The following CARNMT1 variants were observed in gnomAD, a reference collection of about 807,000 sequenced individuals.
The protein encoded by CARNMT1 is carnosine N-methyltransferase 1.
Under a neutral mutation model 49.6 loss-of-function variants are expected in CARNMT1, and 28 were observed. The observed-to-expected ratio is 0.56, with a 90% CI of 0.42 to 0.77. The LOEUF (loss-of-function observed/expected upper bound fraction) is 0.77, where lower values mean the gene tolerates loss of function less well. Among genes scored for constraint, CARNMT1 ranks in the 30% least tolerant of loss-of-function variants. CARNMT1 has a pLI of 0.00. For missense variants in CARNMT1, 421 were observed against 512.6 expected (o/e 0.82, Z 1.73); for synonymous variants, 178 against 175.0 (o/e 1.02, Z -0.13).
At chr9:74,985,768 C>G (rs1832817137) in intron 6 of CARNMT1, among the ~76,000 whole-genome samples, 1 of 152,122 alleles carries the variant, frequency 6.6e-6, no homozygotes, top group Non-Finnish European at 1.5e-5. Context: ...TTAGTAGAGA[C>G]AGCGTTTCAC....
intron 2 of CARNMT1, 161 bp downstream of exon 2, chr9:75,017,092 G>A (rs41287431): frequency 0.053 from 30,954 of 585,200 alleles, 987 homozygotes; most frequent in Middle Eastern, 0.062. Context: ...CCAGTCTCTG[G>A]CTATTAAGCC....
chr9:74,988,058 CTTT>C (rs995936058), intron 6 of CARNMT1, among the ~76,000 whole-genome samples: 1 of 151,810 alleles, frequency 6.6e-6, no homozygotes, highest in African/African-American at 2.4e-5. Flanking sequence ...TCTCTTCGTT[CTTT>C]TTTTCTTTTT....
chr9:75,005,439 T>G (rs149828285), intron 3 of CARNMT1, among the ~76,000 whole-genome samples: 156 of 152,020 alleles, frequency 1.0e-3, no homozygotes, highest in African/African-American at 3.6e-3. Flanking sequence ...ACCACAAATA[T>G]AGTTAATTTT....
chr9:75,020,268 T>TTCC (rs573442824), intron 1 of CARNMT1, among the ~76,000 whole-genome samples: 2 of 124,670 alleles, frequency 1.6e-5, no homozygotes. Flanking sequence ...ATTTTTCTTC[T>TTCC]TTTTTTTTTT....
chr9:75,016,136 T>C lies in CARNMT1; in HGVS notation c.590+132A>G, dbSNP rs1447899369. 3 of 640,830 alleles carry C rather than the reference T, an allele frequency of 4.7e-6. No individual in the cohort carries two copies. In the African/African-American group the frequency reaches 5.5e-5, roughly 12 times the overall value. 39.7% of individuals were successfully genotyped at this position (640,830 alleles called of 1,614,324 possible). A position where few individuals can be genotyped will look rare whatever the true frequency, so the allele number is the denominator to read the frequency against. On this transcript the variant is annotated intron_variant, in intron 3 of 7. Coordinates refer to ENST00000376834, the MANE Select transcript of CARNMT1 (RefSeq NM_152420.3). ...ACACAGAGCATCCAATAACAAATGT[T>C]AACACTTACACATGTAAAACATACA... is the stretch of plus-strand genomic sequence containing the variant.
At chr9:75,014,323 AGTAAACGTATTGATGTTGTTGGAAGTGAG>A (rs1833783963) in intron 3 of CARNMT1, among the ~76,000 whole-genome samples, 1 of 152,216 alleles carries the variant, frequency 6.6e-6, no homozygotes, top group Non-Finnish European at 1.5e-5. Context: ...TGGGCGAATA[AGTAAACGTATTGATGTTGTTGGAAGTGAG>A]GTAAACAGAT....
chr9:74,998,255 T>C (rs1281479779), intron 5 of CARNMT1, among the ~76,000 whole-genome samples: 2 of 152,208 alleles, frequency 1.3e-5, no homozygotes, highest in Admixed American at 6.5e-5. Context: ...CAAATGCTAT[T>C]CTCTCAACCT....
Position 74,983,198 on chromosome 9 carries a change from G to C in CARNMT1, c.*569C>G, listed in dbSNP as rs1832730696. The C allele has an allele frequency of 1.3e-5, 2 of 150,584 alleles. No homozygotes were observed. Among genetic ancestry groups the C allele is most frequent in the African/African-American group, 4.9e-5 (2 of 40,898 alleles). 9.3% of individuals were successfully genotyped at this position (150,584 alleles called of 1,614,324 possible). A position where few individuals can be genotyped will look rare whatever the true frequency, so the allele number is the denominator to read the frequency against. ...GGAGTTTGAGGTTACAGTGAGCTAT[G>C]ATCGTGCCACTGCACTCCGGCCTGG... On this transcript the variant is annotated 3_prime_UTR_variant, in exon 8 of 8. Transcript: ENST00000376834.
intron 1 of CARNMT1, among the ~76,000 whole-genome samples, chr9:75,023,445 TTGAGA>T (rs1020636895): frequency 1.4e-4 from 21 of 152,064 alleles, no homozygotes; most frequent in Admixed American, 2.6e-4. Flanking sequence ...CAAGGGTGAG[TTGAGA>T]TAAGTTATAG....
Position 75,014,613 on chromosome 9 carries a change from G to A in CARNMT1, c.590+1655C>T, listed in dbSNP as rs77326039. ...AAATGTTAAAAACTGGTGAATTCAA[G>A]TAAAAAGTATAAGTGAATTCAGGAG... is the stretch of plus-strand genomic sequence containing the variant. On this transcript the variant is annotated intron_variant, in intron 3 of 7. Coordinates refer to ENST00000376834, the MANE Select transcript of CARNMT1 (RefSeq NM_152420.3). Among the ~76,000 whole-genome samples the A allele has an allele frequency of 8.5e-3, 1,288 of 152,284 alleles. 10 individuals are homozygous for A. Among genetic ancestry groups the A allele is most frequent in the Middle Eastern group, 0.017 (5 of 294 alleles).
intron 6 of CARNMT1, among the ~76,000 whole-genome samples, chr9:74,987,675 A>C (rs1832884998): frequency 6.6e-6 from 1 of 152,154 alleles, no homozygotes; most frequent in African/African-American, 2.4e-5. Context: ...GGAAATGGGA[A>C]GATTCCCTGT....
rs1302953430 is a variant in CARNMT1 at position 74,982,810 on chromosome 9, TTC to T, written c.*955_*956del. Reference sequence around the variant, plus strand: ...CAAATGGGTAAATTTTATTCTTATTTTCTCTGTTTCCTAGCACTACTTTTAAT... The same window carrying T: ...CAAATGGGTAAATTTTATTCTTATTTTCTGTTTCCTAGCACTACTTTTAAT... On this transcript the variant is annotated 3_prime_UTR_variant, in exon 8 of 8. Transcript: ENST00000376834. 1.3e-5 allele frequency: 2 copies of T among 152,314 alleles called. No individual in the cohort carries two copies. Among genetic ancestry groups the T allele is most frequent in the East Asian group, 1.9e-4 (1 of 5,188 alleles). 9.4% of individuals were successfully genotyped at this position (152,314 alleles called of 1,614,324 possible). A position where few individuals can be genotyped will look rare whatever the true frequency, so the allele number is the denominator to read the frequency against.
intron 3 of CARNMT1, among the ~76,000 whole-genome samples, chr9:75,014,160 T>C (rs1833780122): frequency 6.6e-6 from 1 of 152,044 alleles, no homozygotes; most frequent in Non-Finnish European, 1.5e-5. Context: ...GAGAGCTAAT[T>C]TGGGTAAACT....
Position 74,981,604 on chromosome 9 carries a change from T to C in CARNMT1, c.*2163A>G, listed in dbSNP as rs1812826502. ...ATGATATGAGGGATAAATTAACAAATGAAGTAACTGATTTCAGAATTAACT... is the reference window on the plus strand; with the variant it reads ...ATGATATGAGGGATAAATTAACAAACGAAGTAACTGATTTCAGAATTAACT... On this transcript the variant is annotated 3_prime_UTR_variant, in exon 8 of 8. Coordinates refer to ENST00000376834, the MANE Select transcript of CARNMT1 (RefSeq NM_152420.3). 1 of 152,056 alleles carries C rather than the reference T, an allele frequency of 6.6e-6. No homozygotes were observed. Among genetic ancestry groups the C allele is most frequent in the Non-Finnish European group, 1.5e-5 (1 of 67,960 alleles). 9.4% of individuals were successfully genotyped at this position (152,056 alleles called of 1,614,324 possible).
At chr9:75,014,771 C>T (rs911054317) in intron 3 of CARNMT1, among the ~76,000 whole-genome samples, 139 of 152,002 alleles carry the variant, frequency 9.1e-4, no homozygotes, top group Non-Finnish European at 1.6e-4. Context: ...CACTTGAGCC[C>T]AGGAGGCGGA....
intron 3 of CARNMT1, among the ~76,000 whole-genome samples, chr9:75,015,396 AC>A (rs1393147434): frequency 2.7e-4 from 41 of 152,242 alleles, no homozygotes; most frequent in Non-Finnish European, 1.2e-4. Context: ...ATTTAAAAAA[AC>A]ATGCATCACA....
chr9:74,996,841 A>C (rs533675640), intron 5 of CARNMT1, among the ~76,000 whole-genome samples: 1 of 152,348 alleles, frequency 6.6e-6, no homozygotes, highest in African/African-American at 2.4e-5. Flanking sequence ...GGTATTTGTT[A>C]GAGTTTTGTT....
At chr9:74,998,878 ATAAT>A (rs1193095685) in intron 4 of CARNMT1, 102 bp from the exon 5 acceptor site, 58 of 635,296 alleles carry the variant, frequency 9.1e-5, no homozygotes, top group Middle Eastern at 4.8e-4. Context: ...ATTTGCATAT[ATAAT>A]TAATATTTAA....
At chr9:74,993,107 T>A (rs1187846917) in intron 6 of CARNMT1, among the ~76,000 whole-genome samples, 2 of 134,382 alleles carry the variant, frequency 1.5e-5, no homozygotes, top group Non-Finnish European at 3.5e-5. Flanking sequence ...CCAGGCTTTG[T>A]ACCAGGTGAC....
Sources: gnomAD v4.1 joint callset for allele counts (sites outside exome capture counted in the v4.1 genomes callset) on GRCh38, gnomAD v4.1.1 for gene constraint, MANE v1.5 for transcripts, NCBI Gene and HGNC (gene_info 2026-07-23, HGNC 2026-07-21) for gene names.